TBC1D30: variants seen among roughly 807,000 people sequenced by gnomAD.
TBC1D30 encodes TBC1 domain family, member 30.
Under a neutral mutation model 63.2 loss-of-function variants are expected in TBC1D30, and 31 were observed. The observed-to-expected ratio is 0.49, with a 90% CI of 0.37 to 0.66. The LOEUF (loss-of-function observed/expected upper bound fraction) is 0.66. TBC1D30 is among the 30% of genes least tolerant of loss of function. The pLI is 0.00. For synonymous variants in TBC1D30, 307 were observed against 361.5 expected (o/e 0.85, Z 1.71); for missense variants, 810 against 953.6 (o/e 0.85, Z 1.98).
intron 1 of TBC1D30, among the ~76,000 whole-genome samples, chr12:64,761,965 C>G (rs73323496): frequency 0.034 from 5,177 of 152,184 alleles, 319 homozygotes; most frequent in African/African-American, 0.12. Flanking sequence ...AGTCTAATGG[C>G]AGAGAGATGG....
At position 64,879,315 on chromosome 12, in the gene TBC1D30, A is replaced by C. The variant is rs1410345218; in HGVS notation, c.*3527A>C. The C allele has an allele frequency of 6.6e-6, 1 of 152,274 alleles. No individual in the cohort carries two copies. The highest frequency in any genetic ancestry group is 1.5e-5 in the Non-Finnish European group (1 of 68,048). The allele number at this position is 152,274 out of a possible 1,614,324, so 9.4% of individuals were successfully genotyped here. ...CTAATGTGTTCATGCCAGAATTCAC[A>C]TAACCAGTACCTTGTCAAATAGGAG... On this transcript the variant is annotated 3_prime_UTR_variant, in exon 12 of 12. Coordinates refer to ENST00000539867, the MANE Select transcript of TBC1D30 (RefSeq NM_015279.2).
Position 64,825,018 on chromosome 12 carries a change from T to G in TBC1D30, c.139T>G (p.Cys47Gly). 6.5e-7 allele frequency: 1 copy of G among 1,533,446 alleles called. No homozygotes were observed. The allele number at this position is 1,533,446 out of a possible 1,614,324, so 95.0% of individuals were successfully genotyped here. Reference protein sequence around the residue: ...CISRTAPRLLCTLEPGVDTKL... With the variant: ...CISRTAPRLLGTLEPGVDTKL... ...TTCCCGGACCGCGCCCCGGCTGCTG[T>G]GCACCCTGGAGCCGGGTGAGGACCC... Residue 47 changes from cysteine to glycine, a missense_variant, in exon 1 of 12, where the codon TGC (cysteine) becomes GGC (glycine). This residue lies in a region of TBC1D30 where 272 missense variants were observed against 335.9 expected (regional missense o/e 0.81). Coordinates refer to ENST00000539867, the MANE Select transcript of TBC1D30 (RefSeq NM_015279.2).
intron 6 of TBC1D30, among the ~76,000 whole-genome samples, chr12:64,838,074 G>A (rs550796172): frequency 1.3e-3 from 192 of 152,260 alleles, no homozygotes; most frequent in Non-Finnish European, 2.4e-3. Context: ...GTAAGAGGGA[G>A]TACTATGTTT....
At chr12:64,840,057 A>G (rs138013310) in intron 7 of TBC1D30, among the ~76,000 whole-genome samples, 112 of 151,398 alleles carry the variant, frequency 7.4e-4, no homozygotes, top group African/African-American at 2.5e-3. Flanking sequence ...AGGGACTTAA[A>G]AAAATTATTA....
At position 64,877,363 on chromosome 12, in the gene TBC1D30, G is replaced by A. The variant is rs1412475594; in HGVS notation, c.*1575G>A. The A allele has an allele frequency of 1.3e-5, 2 of 156,304 alleles. No homozygotes were observed. The highest frequency in any genetic ancestry group is 2.0e-4 in the South Asian group (1 of 5,084). 9.7% of individuals were successfully genotyped at this position (156,304 alleles called of 1,614,324 possible). ...GCTAATGGATTGTTAATTCTGAAAC[G>A]AAAACTGTAACTGTAGAGCAGGCTT... On this transcript the variant is annotated 3_prime_UTR_variant, in exon 12 of 12. Coordinates refer to ENST00000539867, the MANE Select transcript of TBC1D30 (RefSeq NM_015279.2).
At chr12:64,871,289 A>G (rs1878638194) in intron 11 of TBC1D30, among the ~76,000 whole-genome samples, 2 of 152,260 alleles carry the variant, frequency 1.3e-5, no homozygotes, top group African/African-American at 4.8e-5. Flanking sequence ...GATGGCAAGT[A>G]TCTTGGGAAT....
exon 1 of TBC1D30, chr12:64,781,189 C>A: frequency 9.2e-7 from 1 of 1,087,032 alleles, no homozygotes; most frequent in Non-Finnish European, 1.1e-6. Flanking sequence ...CCGACGTGGT[C>A]CTGGGCGGCC....
At chr12:64,804,451 C>G (rs1005515950) in intron 2 of TBC1D30, among the ~76,000 whole-genome samples, 2 of 152,150 alleles carry the variant, frequency 1.3e-5, no homozygotes, top group African/African-American at 4.8e-5. Context: ...CAATTTGACT[C>G]CCTCTTTTCC....
At chr12:64,828,765 T>C (rs1420455593) in intron 3 of TBC1D30, among the ~76,000 whole-genome samples, 1 of 152,142 alleles carries the variant, frequency 6.6e-6, no homozygotes, top group Admixed American at 6.6e-5. Context: ...ATATAAAGTA[T>C]GTCAGATGGT....
In TBC1D30 at chr12:64,847,430, G is replaced by C. The variant is rs556056108; in HGVS notation, c.1038+3945G>C. Among the ~76,000 whole-genome samples, 14 of 151,366 alleles carry C rather than the reference G, an allele frequency of 9.2e-5. No homozygotes were observed. The South Asian group carries it at 2.9e-3, about 32-fold the overall frequency. Reference sequence around the variant, plus strand: ...GTTTCTTCTACTAATTTTGGGTTGGGTTTGCTCTTGTTTTTCTAGTGCTTT... The same window carrying C: ...GTTTCTTCTACTAATTTTGGGTTGGCTTTGCTCTTGTTTTTCTAGTGCTTT... On this transcript the variant is annotated intron_variant, in intron 8 of 11. Coordinates refer to ENST00000539867, the MANE Select transcript of TBC1D30 (RefSeq NM_015279.2).
chr12:64,806,020 G>T (rs1384450370), intron 2 of TBC1D30, among the ~76,000 whole-genome samples: 1 of 152,160 alleles, frequency 6.6e-6, no homozygotes, highest in African/African-American at 2.4e-5. Flanking sequence ...TATTAAGAGT[G>T]AATGTTGAAC....
rs377572212 is a variant in TBC1D30 at position 64,766,717 on chromosome 12, T to G, written c.-376+7068T>G. Among the ~76,000 whole-genome samples the G allele has an allele frequency of 1.9e-4, 29 of 152,242 alleles. 1 individual carries two copies. Among genetic ancestry groups the G allele is most frequent in the African/African-American group, 6.7e-4 (28 of 41,540 alleles). ...TAGACCTAACAGAGATCTACAGAAC[T>G]CTCCACCCAACAAGAGCAGAATCTA... On this transcript the variant is annotated intron_variant, in intron 1 of 13. Coordinates refer to the TBC1D30 transcript ENST00000674237.
chr12:64,776,675 A>T (rs549862481), upstream of TBC1D30, among the ~76,000 whole-genome samples: 6 of 152,344 alleles, frequency 3.9e-5, no homozygotes, highest in South Asian at 1.2e-3. Context: ...ATTCTAGCAG[A>T]TGTACAAAAA....
chr12:64,810,031 G>A (rs73325441), intron 2 of TBC1D30, among the ~76,000 whole-genome samples: 69 of 152,070 alleles, frequency 4.5e-4, no homozygotes, highest in East Asian at 1.9e-3. Context: ...CCCATGCTCC[G>A]TTGATGAAGC....
intron 2 of TBC1D30, among the ~76,000 whole-genome samples, chr12:64,815,460 A>C: frequency 6.6e-6 from 1 of 152,224 alleles, no homozygotes; most frequent in Non-Finnish European, 1.5e-5. Context: ...CGTTTTTAAA[A>C]GGAGGTTCTG....
chr12:64,838,404 C>A (rs74099691), intron 6 of TBC1D30, among the ~76,000 whole-genome samples: 4,540 of 152,208 alleles, frequency 0.03, 247 homozygotes, highest in African/African-American at 0.1. Flanking sequence ...AAAACTTTCT[C>A]CTTAATTTTC....
At chr12:64,765,488 T>C (rs1870675024) in intron 1 of TBC1D30, among the ~76,000 whole-genome samples, 2 of 9,730 alleles carry the variant, frequency 2.1e-4, no homozygotes, top group Admixed American at 1.4e-3. Flanking sequence ...CAAGACTGTC[T>C]CCAAAAAAAA....
At chr12:64,812,151 A>G (rs1873253569) in intron 2 of TBC1D30, among the ~76,000 whole-genome samples, 1 of 152,202 alleles carries the variant, frequency 6.6e-6, no homozygotes, top group Non-Finnish European at 1.5e-5. Flanking sequence ...ACTACCTAGA[A>G]TTATCTACTT....
chr12:64,795,713 T>C (rs1481620822), intron 2 of TBC1D30, among the ~76,000 whole-genome samples: 3 of 152,106 alleles, frequency 2.0e-5, no homozygotes, highest in Admixed American at 6.5e-5. Context: ...CCTTTTTTTT[T>C]TTTTTTGTCC....
Sources: allele counts gnomAD v4.1 joint callset (sites outside exome capture counted in the v4.1 genomes callset), GRCh38; gene constraint gnomAD v4.1.1; regional missense constraint gnomAD v4.1.1; transcripts MANE v1.5; gene names NCBI Gene and HGNC (gene_info 2026-07-23, HGNC 2026-07-21).